The following LRCH1 variants were observed in gnomAD, a reference collection of about 807,000 sequenced individuals.
The protein encoded by LRCH1 is leucine-rich repeat and calponin homology domain-containing protein 1.
In LRCH1, 23 loss-of-function variants were observed where a neutral mutation model predicts 94.9. That is an observed-to-expected ratio of 0.24 (90% confidence interval 0.17 to 0.34). The LOEUF (loss-of-function observed/expected upper bound fraction) is 0.34. LRCH1 is among the 10% of genes least tolerant of loss of function. The pLI is 1.00. For missense variants in LRCH1, 790 were observed against 945.9 expected (o/e 0.84, Z 2.16); for synonymous variants, 364 against 354.9 (o/e 1.03, Z -0.29).
intron 1 of LRCH1, among the ~76,000 whole-genome samples, chr13:46,611,730 G>C (rs1386471616): frequency 6.6e-6 from 1 of 152,128 alleles, no homozygotes; most frequent in Non-Finnish European, 1.5e-5. Context: ...TTAAAATGTT[G>C]ATTATTTGTT....
intron 1 of LRCH1, among the ~76,000 whole-genome samples, chr13:46,602,607 C>T (rs1172727803): frequency 6.6e-6 from 1 of 152,124 alleles, no homozygotes; most frequent in Non-Finnish European, 1.5e-5. Context: ...GGCTAGTACC[C>T]AGAAAGTGCT....
intron 1 of LRCH1, among the ~76,000 whole-genome samples, chr13:46,636,773 C>T (rs1166857464): frequency 6.6e-6 from 1 of 152,194 alleles, no homozygotes; most frequent in Non-Finnish European, 1.5e-5. Flanking sequence ...CACTTGGTTT[C>T]CAGGGACCTT....
intron 1 of LRCH1, among the ~76,000 whole-genome samples, chr13:46,640,453 C>T (rs1310281774): frequency 3.3e-5 from 5 of 152,170 alleles, no homozygotes; most frequent in Non-Finnish European, 7.3e-5. Flanking sequence ...TGAACTCAAG[C>T]TGTCTGACAT....
chr13:46,723,325 C>G lies in LRCH1; in HGVS notation c.1864C>G (p.Arg622Gly). ...AGAGAAAGAGCTGGTGGAACAACTT[C>G]GTGAGGTACCCAAGAAATATTATGT... ...REEKELVEQL[R>G]ESIEMRLKVS... The change falls in exon 17 of 20, where the codon CGT (arginine) becomes GGT (glycine). Residue 622 changes from arginine (R) to glycine (G), a missense_variant. Arg to Gly is a moderately radical substitution (Grantham distance 125). Around this residue, in one of 3 missense-constraint regions of LRCH1, gnomAD observed 460 missense variants for 508.9 expected, o/e 0.90. Transcript: ENST00000389797. 1 of 1,590,860 alleles carries G rather than the reference C, an allele frequency of 6.3e-7. No individual in the cohort carries two copies. The highest frequency in any genetic ancestry group is 8.6e-7 in the Non-Finnish European group (1 of 1,160,224).
chr13:46,717,332 A>T (rs1204434493), intron 16 of LRCH1: 1 of 152,248 alleles, frequency 6.6e-6, no homozygotes, highest in Non-Finnish European at 1.5e-5. Context: ...ACCTTGCAAT[A>T]GTTATTTTTT....
intron 1 of LRCH1, among the ~76,000 whole-genome samples, chr13:46,574,276 G>C (rs941166356): frequency 2.6e-5 from 4 of 151,892 alleles, no homozygotes; most frequent in Admixed American, 6.6e-5. Context: ...TGTGATTATT[G>C]CATGCCTGTA....
intron 1 of LRCH1, among the ~76,000 whole-genome samples, chr13:46,592,697 AC>A (rs1214207940): frequency 6.6e-6 from 1 of 152,170 alleles, no homozygotes; most frequent in Non-Finnish European, 1.5e-5. Flanking sequence ...GCTCTATCAT[AC>A]CTAATCACTC....
Position 46,742,306 on chromosome 13 carries a change from G to T in LRCH1, c.*458G>T. The T allele has an allele frequency of 1.0e-6, 1 of 1,003,422 alleles. No homozygotes were observed. The highest frequency in any genetic ancestry group is 1.2e-6 in the Non-Finnish European group (1 of 840,430). 62.2% of individuals were successfully genotyped at this position (1,003,422 alleles called of 1,614,324 possible). On this transcript the variant is annotated 3_prime_UTR_variant, in exon 20 of 20. Coordinates refer to ENST00000389797, the MANE Select transcript of LRCH1 (RefSeq NM_001164211.2). ...AATTGAGCTGTATAGGGGCCACCTT[G>T]CAGGGAGGACAGAAAACTAACATTT... is the stretch of plus-strand genomic sequence containing the variant.
At chr13:46,596,710 C>T (rs1189704998) in intron 1 of LRCH1, among the ~76,000 whole-genome samples, 5 of 152,110 alleles carry the variant, frequency 3.3e-5, no homozygotes, top group African/African-American at 7.2e-5. Context: ...TGGGAAATCC[C>T]GTCATGGGTA....
intron 13 of LRCH1, 65 bp downstream of exon 13, chr13:46,705,369 C>A: frequency 7.5e-7 from 1 of 1,327,680 alleles, no homozygotes; most frequent in Non-Finnish European, 1.1e-6. Context: ...CTGGCCACCA[C>A]ATTCTGTAAA....
intron 19 of LRCH1, among the ~76,000 whole-genome samples, chr13:46,737,043 G>T (rs983897989): frequency 6.6e-6 from 1 of 152,166 alleles, no homozygotes; most frequent in African/African-American, 2.4e-5. Context: ...AATAATAAAT[G>T]ATTTTCTTTA....
chr13:46,607,393 A>T (rs564743217), intron 1 of LRCH1, among the ~76,000 whole-genome samples: 2 of 152,032 alleles, frequency 1.3e-5, no homozygotes, highest in Non-Finnish European at 2.9e-5. Flanking sequence ...TTTTTTTGTG[A>T]GTGGTGAGGT....
At chr13:46,567,006 T>G (rs1267620258) in intron 1 of LRCH1, among the ~76,000 whole-genome samples, 1 of 152,238 alleles carries the variant, frequency 6.6e-6, no homozygotes, top group Non-Finnish European at 1.5e-5. Context: ...TTAAAAAATA[T>G]AGACACACAT....
intron 1 of LRCH1, among the ~76,000 whole-genome samples, chr13:46,562,528 A>G (rs1322341088): frequency 6.6e-6 from 1 of 152,196 alleles, no homozygotes; most frequent in Non-Finnish European, 1.5e-5. Context: ...GGACCCACCC[A>G]TAGGACCTCA....
In LRCH1 at chr13:46,715,610, C is replaced by T. The variant is rs1242667486; in HGVS notation, c.1705C>T (p.Gln569Ter). ...PISFNTLTQA[Q>*]TWDSSSYSVP... Reference sequence around the variant, plus strand: ...CTCCTTCAACACACTTACACAGGCACAGACATGGGACAGCTCTAGCTACAG... The same window carrying T: ...CTCCTTCAACACACTTACACAGGCATAGACATGGGACAGCTCTAGCTACAG... Residue 569 changes from glutamine to a stop codon, truncating the protein, a stop_gained, in exon 16 of 20, where the codon CAG becomes TAG. Coordinates refer to ENST00000389797, the MANE Select transcript of LRCH1 (RefSeq NM_001164211.2). LOFTEE classifies it high-confidence loss of function. 3 of 1,537,288 alleles carry T rather than the reference C, an allele frequency of 2.0e-6. No individual in the cohort carries two copies. Among genetic ancestry groups the T allele is most frequent in the Middle Eastern group, 1.7e-4 (1 of 5,990 alleles).
At chr13:46,582,163 A>G (rs1297627736) in intron 1 of LRCH1, among the ~76,000 whole-genome samples, 2 of 150,972 alleles carry the variant, frequency 1.3e-5, no homozygotes, top group African/African-American at 2.4e-5. Flanking sequence ...AAAAAAAAAA[A>G]AAAGAAAGAA....
intron 1 of LRCH1, among the ~76,000 whole-genome samples, chr13:46,621,211 A>G (rs1044626999): frequency 1.3e-5 from 2 of 152,230 alleles, no homozygotes; most frequent in African/African-American, 4.8e-5. Flanking sequence ...GCCTTTTGCC[A>G]GTATGTGGGA....
At chr13:46,570,770 T>C (rs573140025) in intron 1 of LRCH1, among the ~76,000 whole-genome samples, 19 of 152,344 alleles carry the variant, frequency 1.2e-4, no homozygotes, top group East Asian at 5.8e-4. Context: ...TGAGGTGAGA[T>C]AGACACTTGA....
intron 1 of LRCH1, among the ~76,000 whole-genome samples, chr13:46,614,165 T>C (rs902784221): frequency 6.6e-6 from 1 of 152,184 alleles, no homozygotes; most frequent in East Asian, 1.9e-4. Flanking sequence ...ATTTGTAATA[T>C]ATAATGCAAT....
Sources: allele counts gnomAD v4.1 joint callset (sites outside exome capture counted in the v4.1 genomes callset), GRCh38; gene constraint gnomAD v4.1.1; regional missense constraint gnomAD v4.1.1; transcripts MANE v1.5; gene names NCBI Gene and HGNC (gene_info 2026-07-23, HGNC 2026-07-21).